DHX57: variants seen among roughly 807,000 people sequenced by gnomAD.
DHX57 encodes the protein putative ATP-dependent RNA helicase DHX57.
DHX57 carries 105 observed loss-of-function variants against 156.2 expected under a neutral mutation model. The observed-to-expected ratio is 0.67, with a 90% CI of 0.57 to 0.79. The LOEUF is 0.79. Ranked by LOEUF, DHX57 falls within the 30% of genes least tolerant of loss-of-function variation. The pLI, the probability that DHX57 is intolerant of heterozygous loss-of-function variation, is 0.00. For synonymous variants in DHX57, 704 were observed against 595.6 expected (o/e 1.18, Z -2.65); for missense variants, 1,847 against 1,661.9 (o/e 1.11, Z -1.94).
intron 21 of DHX57, among the ~76,000 whole-genome samples, chr2:38,812,782 C>T (rs1365114726): frequency 6.6e-6 from 1 of 152,116 alleles, no homozygotes; most frequent in Non-Finnish European, 1.5e-5. Context: ...ATCCGCCCGC[C>T]TCGGCCTCCC....
chr2:38,833,620 G>T (rs566292642), intron 13 of DHX57, among the ~76,000 whole-genome samples: 86 of 152,248 alleles, frequency 5.6e-4, no homozygotes, highest in African/African-American at 1.9e-3. Flanking sequence ...TACCGGGATG[G>T]GAAGACAGTG....
At chr2:38,871,796 T>G (rs1283501490) in intron 1 of DHX57, among the ~76,000 whole-genome samples, 6 of 151,182 alleles carry the variant, frequency 4.0e-5, no homozygotes, top group African/African-American at 1.5e-4. Flanking sequence ...AAGGTCTGCC[T>G]CCCTGGTTCA....
At position 38,861,392 on chromosome 2, in the gene DHX57, C is replaced by A; in HGVS notation, c.1018G>T (p.Asp340Tyr). 1.2e-6 allele frequency: 2 copies of A among 1,613,738 alleles called. No individual in the cohort carries two copies. The highest frequency in any genetic ancestry group is 1.1e-5 in the South Asian group (1 of 91,046). Residue 340 changes from aspartate to tyrosine, a missense_variant, in exon 5 of 24, where the codon GAT (aspartate) becomes TAT (tyrosine). By Grantham distance (160) the Asp-to-Tyr change is radical (BLOSUM62 -3). Coordinates refer to ENST00000457308, the MANE Select transcript of DHX57 (RefSeq NM_198963.3). Reference protein sequence around the residue: ...IVGRIERSVDDSHLNAIEDAS... With the variant: ...IVGRIERSVDYSHLNAIEDAS... ...TCTTCAATAGCATTAAGATGAGAAT[C>A]ATCTACACTTCTTTCTATTCTTCCA...
rs554977397 is a variant in DHX57, at chr2:38,846,927, C to T, written c.2219+92G>A. ...TGGTCTTGAACTGGCCCCAAAAGAT[C>T]CTCCCACCTTTGCCTTCCAAAGTGC... On this transcript the variant is annotated intron_variant, in intron 11 of 23. Coordinates refer to ENST00000457308, the MANE Select transcript of DHX57 (RefSeq NM_198963.3). The T allele has an allele frequency of 4.4e-5, 46 of 1,047,860 alleles. No homozygotes were observed. The South Asian group carries it at 6.5e-4, about 15-fold the overall frequency. 64.9% of individuals were successfully genotyped at this position (1,047,860 alleles called of 1,614,324 possible). A position where few individuals can be genotyped will look rare whatever the true frequency, so the allele number is the denominator to read the frequency against.
intron 13 of DHX57, among the ~76,000 whole-genome samples, chr2:38,835,887 G>A (rs1163724009): frequency 6.6e-6 from 1 of 152,230 alleles, no homozygotes; most frequent in East Asian, 1.9e-4. Context: ...AAGGTGGGGA[G>A]ATGGTGGCAG....
intron 11 of DHX57, among the ~76,000 whole-genome samples, chr2:38,844,066 T>A (rs1001343917): frequency 7.2e-5 from 11 of 152,362 alleles, no homozygotes; most frequent in African/African-American, 2.6e-4. Flanking sequence ...TAAAAACCTA[T>A]GATTCTATAA....
At position 38,861,168 on chromosome 2, in the gene DHX57, A is replaced by G. The variant is rs1399739070; in HGVS notation, c.1242T>C (p.Leu414=). The change falls in exon 5 of 24, where the codon CTT becomes CTC. Residue 414 remains leucine (L), a synonymous_variant. Transcript: ENST00000457308. Reference sequence around the variant, plus strand: ...TGACTATTTCCGACTCTTCCTCTAAAAGGGTTATCAAAGAATATACGACAG... The same window carrying G: ...TGACTATTTCCGACTCTTCCTCTAAGAGGGTTATCAAAGAATATACGACAG... ...SEPVVYSLIT[L]LEEESEIVKL... 6.2e-7 allele frequency: 1 copy of G among 1,614,180 alleles called. No individual in the cohort carries two copies. Among genetic ancestry groups the G allele is most frequent in the Non-Finnish European group, 8.5e-7 (1 of 1,180,026 alleles).
chr2:38,802,860 C>A lies in DHX57; in HGVS notation c.3872G>T (p.Arg1291Leu), dbSNP rs372024939. 2 of 1,614,128 alleles carry A rather than the reference C, an allele frequency of 1.2e-6. No individual in the cohort carries two copies. Among genetic ancestry groups the A allele is most frequent in the Admixed American group, 3.3e-5 (2 of 60,006 alleles). ...LLYHEKIKTS[R>L]VFIRDCSMVS... Reference sequence around the variant, plus strand: ...CATGCTGCAGTCTCGGATGAATACTCGACTAGTTTTTATCTTCTCGTGGTA... The same window carrying A: ...CATGCTGCAGTCTCGGATGAATACTAGACTAGTTTTTATCTTCTCGTGGTA... The change falls in exon 23 of 24, where the codon CGA becomes CTA. Residue 1291 changes from arginine (R) to leucine (L), a missense_variant. Physicochemically the swap from Arg to Leu is moderately radical, Grantham distance 102 (BLOSUM62 -2). Transcript: ENST00000457308.
At chr2:38,874,976 T>G (rs1225977495) in intron 1 of DHX57, among the ~76,000 whole-genome samples, 1 of 152,190 alleles carries the variant, frequency 6.6e-6, no homozygotes, top group African/African-American at 2.4e-5. Context: ...GCAGCCCAGG[T>G]AAATTTGTGT....
chr2:38,799,599 A>G (rs907598987), intron 23 of DHX57, among the ~76,000 whole-genome samples: 2 of 150,284 alleles, frequency 1.3e-5, no homozygotes, highest in Non-Finnish European at 3.0e-5. Context: ...AAAAATACAA[A>G]ATTAGCCAGG....
rs201714064 is a variant in DHX57, at chr2:38,862,245, C to A, written c.472G>T (p.Val158Phe). ...TATTCCAAAGGATCCAAGTCGGGAA[C>A]GAGGGAAGGTTCCTGTCCAGCTGGC... ...YWPAGQEPSL[V>F]PDLDPLEYAG... The change falls in exon 4 of 24, where the codon GTT becomes TTT. Residue 158 changes from valine to phenylalanine, a missense_variant. Val to Phe is a conservative substitution (Grantham distance 50). Transcript: ENST00000457308. The A allele has an allele frequency of 8.1e-6, 13 of 1,613,834 alleles. No individual in the cohort carries two copies. Among genetic ancestry groups the A allele is most frequent in the Admixed American group, 1.7e-5 (1 of 59,976 alleles).
At chr2:38,841,216 T>C (rs187726008) in intron 12 of DHX57, among the ~76,000 whole-genome samples, 43 of 152,352 alleles carry the variant, frequency 2.8e-4, no homozygotes, top group African/African-American at 1.0e-3. Context: ...ATTTTTTAGT[T>C]AGACATATTT....
Position 38,843,170 on chromosome 2 carries a change from T to C in DHX57, c.2260A>G (p.Lys754Glu). The C allele has an allele frequency of 2.5e-6, 4 of 1,614,202 alleles. No homozygotes were observed. Among genetic ancestry groups the C allele is most frequent in the Non-Finnish European group, 3.4e-6 (4 of 1,180,022 alleles). Residue 754 changes from lysine (K) to glutamate (E), a missense_variant, in exon 12 of 24, where the codon AAA (lysine) becomes GAA (glutamate). Coordinates refer to ENST00000457308, the MANE Select transcript of DHX57 (RefSeq NM_198963.3). ...QDGSPYMRSM[K>E]QISKEKLKAR... ...TTAAGCTTTTCCTTTGAAATCTGTTTCATGGACCGCATATATGGGCTCCCA... is the reference window on the plus strand; with the variant it reads ...TTAAGCTTTTCCTTTGAAATCTGTTCCATGGACCGCATATATGGGCTCCCA...
Position 38,856,367 on chromosome 2 carries a change from TG to T in DHX57, c.1681del (p.Gln561ArgfsTer5). The T allele has an allele frequency of 6.2e-7, 1 of 1,612,864 alleles. No homozygotes were observed. Among genetic ancestry groups the T allele is most frequent in the Non-Finnish European group, 8.5e-7 (1 of 1,179,728 alleles). On this transcript the variant is annotated frameshift_variant, in exon 7 of 24. Transcript: ENST00000457308. LOFTEE classifies it high-confidence loss of function. Reference protein sequence around the residue: ...ETILNLLRKHQVVVISGMTGC... With the variant: ...ETILNLLRKHXVVVISGMTGC... The stretch of plus-strand genomic sequence containing the variant: ...AGTCATACCACTTATGACAACCACC[TG>T]GTGCTTACGCAATAAGTTAAGAATG...
chr2:38,815,746 T>TTCAGGGGGTA, intron 19 of DHX57, 91 bp from the exon 20 acceptor site: 1 of 1,521,004 alleles, frequency 6.6e-7, no homozygotes, highest in Non-Finnish European at 9.0e-7. Flanking sequence ...AATGCATTAT[T>TTCAGGGGGTA]TCAGGGGGTA....
chr2:38,802,382 G>A (rs1669723995), intron 23 of DHX57, among the ~76,000 whole-genome samples: 3 of 151,742 alleles, frequency 2.0e-5, no homozygotes, highest in Admixed American at 2.0e-4. Context: ...CTGCCCCCTA[G>A]GTTCAAGCGA....
chr2:38,830,739 C>T (rs1413531680), intron 13 of DHX57, among the ~76,000 whole-genome samples: 2 of 152,124 alleles, frequency 1.3e-5, no homozygotes, highest in African/African-American at 2.4e-5. Context: ...CCTAGGGTTT[C>T]TGGCATCAGA....
intron 21 of DHX57, among the ~76,000 whole-genome samples, chr2:38,808,274 C>G (rs546801199): frequency 9.2e-5 from 14 of 152,084 alleles, no homozygotes; most frequent in African/African-American, 3.4e-4. Flanking sequence ...TTTTAATCTT[C>G]TCTTCCAAAT....
In DHX57 at chr2:38,863,438, A is replaced by G. The variant is rs762925059; in HGVS notation, c.306T>C (p.His102=). 6 of 1,614,016 alleles carry G rather than the reference A, an allele frequency of 3.7e-6. No individual in the cohort carries two copies. The East Asian group carries it at 1.3e-4, about 36-fold the overall frequency. Residue 102 remains histidine (H), a synonymous_variant, in exon 3 of 24, where the codon CAT becomes CAC. Transcript: ENST00000457308. The part of the protein sequence containing the change: ...PKAKVPLQTL[H]MTSENQEKVK... Reference sequence around the variant, plus strand: ...CTTTCTCTTGATTCTCAGAAGTCATATGTAGAGTCTGAAGGGGTACTTTGG... The same window carrying G: ...CTTTCTCTTGATTCTCAGAAGTCATGTGTAGAGTCTGAAGGGGTACTTTGG...
Sources: gnomAD v4.1 joint callset for allele counts (sites outside exome capture counted in the v4.1 genomes callset) on GRCh38, gnomAD v4.1.1 for gene constraint, MANE v1.5 for transcripts, NCBI Gene and HGNC (gene_info 2026-07-23, HGNC 2026-07-21) for gene names.